SLC1A1: variants seen among roughly 807,000 people sequenced by gnomAD.
SLC1A1 encodes excitatory amino acid transporter 3.
In SLC1A1, 43 loss-of-function variants were observed where a neutral mutation model predicts 53.3. The observed-to-expected ratio is 0.81, with a 90% confidence interval of 0.63 to 1.04. The LOEUF (loss-of-function observed/expected upper bound fraction) is 1.04, where lower values mean the gene tolerates loss of function less well. Ranked by LOEUF, SLC1A1 falls within the 50% of genes least tolerant of loss-of-function variation. SLC1A1 has a pLI of 0.00. For missense variants in SLC1A1, 748 were observed against 664.9 expected, an observed-to-expected ratio of 1.12 and a Z score of -1.37; for synonymous variants, 307 against 243.2, an observed-to-expected ratio of 1.26 and a Z score of -2.44.
At chr9:4,577,884 ATT>A (rs1009061771) in intron 10 of SLC1A1, among the ~76,000 whole-genome samples, 1 of 152,222 alleles carries the variant, frequency 6.6e-6, no homozygotes, top group African/African-American at 2.4e-5. Context: ...CAGGCAGGGT[ATT>A]AGAAGGCACT....
intron 1 of SLC1A1, among the ~76,000 whole-genome samples, chr9:4,499,790 A>C (rs1820571861): frequency 6.6e-6 from 1 of 152,360 alleles, no homozygotes; most frequent in Middle Eastern, 3.4e-3. Flanking sequence ...TAGTACAGTA[A>C]AACTACAAAA....
At chr9:4,580,848 G>A (rs910106257) in intron 10 of SLC1A1, among the ~76,000 whole-genome samples, 6 of 152,102 alleles carry the variant, frequency 3.9e-5, no homozygotes, top group African/African-American at 1.4e-4. Flanking sequence ...AGCAACTGCT[G>A]TTGTTGCAGA....
intron 1 of SLC1A1, among the ~76,000 whole-genome samples, chr9:4,533,111 A>G (rs1328719570): frequency 1.3e-5 from 2 of 152,190 alleles, no homozygotes; most frequent in Non-Finnish European, 2.9e-5. Context: ...GCAAAAACAC[A>G]CCAAATTGTA....
At chr9:4,513,711 A>C (rs1202679766) in intron 1 of SLC1A1, among the ~76,000 whole-genome samples, 1 of 152,228 alleles carries the variant, frequency 6.6e-6, no homozygotes, top group African/African-American at 2.4e-5. Flanking sequence ...TATAGGTCCT[A>C]GAGAAAGGAA....
At chr9:4,504,448 G>A (rs9918970) in intron 1 of SLC1A1, among the ~76,000 whole-genome samples, 30,490 of 152,142 alleles carry the variant, frequency 0.2, 3,780 homozygotes, top group South Asian at 0.37. Context: ...AACTGCGTGG[G>A]TAAACACTAG....
chr9:4,500,960 G>A (rs2130799486), intron 1 of SLC1A1, among the ~76,000 whole-genome samples: 2 of 152,180 alleles, frequency 1.3e-5, no homozygotes, highest in East Asian at 3.9e-4. Context: ...ACTCAGCCAA[G>A]ACAGGGAGGG....
intron 10 of SLC1A1, 80 bp from the exon 11 acceptor site, chr9:4,582,958 G>C (rs1287262734): frequency 6.4e-7 from 1 of 1,572,814 alleles, no homozygotes; most frequent in African/African-American, 1.3e-5. Flanking sequence ...TCGGGACTAA[G>C]CGGGAGTAAC....
intron 9 of SLC1A1, 65 bp downstream of exon 9, chr9:4,576,188 T>G: frequency 6.6e-7 from 1 of 1,522,400 alleles, no homozygotes; most frequent in East Asian, 2.3e-5. Context: ...TCACCTCACT[T>G]TACAAAACAG....
rs1278414250 is a variant in SLC1A1 at position 4,586,931 on chromosome 9, A to C, written c.*1373A>C. ...CTTGTCATTCTGCTAATTTATGAAGATAGTTTATTATAGTCTGTACTTCAG... is the reference window on the plus strand; with the variant it reads ...CTTGTCATTCTGCTAATTTATGAAGCTAGTTTATTATAGTCTGTACTTCAG... On this transcript the variant is annotated 3_prime_UTR_variant, in exon 12 of 12. Transcript: ENST00000262352. The C allele has an allele frequency of 6.6e-6, 1 of 152,538 alleles. No individual in the cohort carries two copies. The highest frequency in any genetic ancestry group is 1.5e-5 in the Non-Finnish European group (1 of 68,026). 9.4% of individuals were successfully genotyped at this position (152,538 alleles called of 1,614,324 possible).
At chr9:4,574,678 T>C (rs575971534) in intron 8 of SLC1A1, among the ~76,000 whole-genome samples, 80 of 152,200 alleles carry the variant, frequency 5.3e-4, no homozygotes, top group African/African-American at 1.7e-3. Context: ...TTATGAATGG[T>C]GCCCCTGGAC....
At chr9:4,572,517 C>A in intron 7 of SLC1A1, 129 bp downstream of exon 7, 1 of 862,350 alleles carries the variant, frequency 1.2e-6, no homozygotes, top group Non-Finnish European at 1.9e-6. Context: ...ATTGAACCAC[C>A]AGAGTATTTT....
chr9:4,583,904 AC>A lies in SLC1A1; in HGVS notation c.1328+733del, dbSNP rs1331332371. Among the ~76,000 whole-genome samples, 1 of 149,846 alleles carries A rather than the reference AC, an allele frequency of 6.7e-6. No individual in the cohort carries two copies. The highest frequency in any genetic ancestry group is 1.5e-5 in the Non-Finnish European group (1 of 66,980). On this transcript the variant is annotated intron_variant, in intron 11 of 11. Transcript: ENST00000262352. The surrounding 1 kb of genome is among the most constrained non-coding windows in gnomAD (Gnocchi z 4.6). ...CTCTCACACACACACACACACACAC[AC>A]ACACACATATGGAATACAGCAGAAC...
intron 1 of SLC1A1, among the ~76,000 whole-genome samples, chr9:4,531,145 G>A (rs545742515): frequency 9.8e-5 from 15 of 152,340 alleles, no homozygotes; most frequent in Non-Finnish European, 2.2e-4. Context: ...CAGAAGATGG[G>A]TGATTTCTGC....
intron 3 of SLC1A1, among the ~76,000 whole-genome samples, chr9:4,562,472 G>A (rs4742008): frequency 0.23 from 35,435 of 152,018 alleles, 4,841 homozygotes; most frequent in East Asian, 0.47. Flanking sequence ...TGCATTTCAC[G>A]TAGTAACAAG....
In SLC1A1 at chr9:4,549,798, G is replaced by T. The variant is rs919734326; in HGVS notation, c.232+5091G>T. ...GACTCCATACCATAGTACCTGCTGG[G>T]TTATTGCAACCACCCTGCTTGTAGA... On this transcript the variant is annotated intron_variant, in intron 2 of 11. Coordinates refer to ENST00000262352, the MANE Select transcript of SLC1A1 (RefSeq NM_004170.6). The surrounding 1 kb of genome is among the most constrained non-coding windows in gnomAD (Gnocchi z 4.1). Among the ~76,000 whole-genome samples the T allele has an allele frequency of 6.6e-6, 1 of 152,132 alleles. No individual in the cohort carries two copies. Among genetic ancestry groups the T allele is most frequent in the African/African-American group, 2.4e-5 (1 of 41,412 alleles).
chr9:4,544,854 C>T (rs1383608512), intron 2 of SLC1A1, 147 bp downstream of exon 2: 3 of 738,710 alleles, frequency 4.1e-6, no homozygotes, highest in Non-Finnish European at 6.7e-6. Context: ...AACTCACAAT[C>T]ATGGCGGAAG....
At position 4,569,970 on chromosome 9, in the gene SLC1A1, C is replaced by T. The variant is rs574146742; in HGVS notation, c.582+2203C>T. ...AAGAATGGGATGTTTGGGAGGCATT[C>T]AGCAAGGGATGTTAAATTAGTCTGG... is the stretch of plus-strand genomic sequence containing the variant. On this transcript the variant is annotated intron_variant, in intron 6 of 11. Coordinates refer to ENST00000262352, the MANE Select transcript of SLC1A1 (RefSeq NM_004170.6). 2.0e-5 allele frequency among the ~76,000 whole-genome samples: 3 copies of T among 152,298 alleles called. No homozygotes were observed. In the East Asian group the frequency reaches 5.8e-4, roughly 29 times the overall value.
chr9:4,521,142 T>C (rs1334683095), intron 1 of SLC1A1, among the ~76,000 whole-genome samples: 2 of 152,256 alleles, frequency 1.3e-5, no homozygotes, highest in African/African-American at 2.4e-5. Context: ...TGTTGAGTTG[T>C]AAGAATTCTT....
intron 1 of SLC1A1, among the ~76,000 whole-genome samples, chr9:4,535,842 T>G (rs1211366878): frequency 6.6e-6 from 1 of 152,184 alleles, no homozygotes; most frequent in Non-Finnish European, 1.5e-5. Context: ...AACAGCATGG[T>G]ACTGGTGCCA....
Sources: allele counts gnomAD v4.1 joint callset (sites outside exome capture counted in the v4.1 genomes callset), GRCh38; gene constraint gnomAD v4.1.1; non-coding constraint Gnocchi (gnomAD v3.1); transcripts MANE v1.5; gene names NCBI Gene and HGNC (gene_info 2026-07-23, HGNC 2026-07-21).